ZNF709: variants seen among roughly 807,000 people sequenced by gnomAD.
ZNF709 encodes zinc finger protein 709.
Under a neutral mutation model 10.6 loss-of-function variants are expected in ZNF709, and 15 were observed. The observed-to-expected ratio is 1.41, with a 90% CI of 0.95 to 2.18. The LOEUF (loss-of-function observed/expected upper bound fraction) is 2.18, where lower values mean the gene tolerates loss of function less well. Among genes scored for constraint, ZNF709 ranks in the 30% most tolerant of loss-of-function variants. ZNF709 has a pLI of 0.00. For synonymous variants in ZNF709, 194 were observed against 238.8 expected, an observed-to-expected ratio of 0.81 and a Z score of 1.73; for missense variants, 589 against 774.0, an observed-to-expected ratio of 0.76 and a Z score of 2.84.
rs1970540901 is a variant in ZNF709 at position 12,464,064 on chromosome 19, G to A, written c.1858C>T (p.Gln620Ter). 1 of 1,545,362 alleles carries A rather than the reference G, an allele frequency of 6.5e-7. No individual in the cohort carries two copies. Among genetic ancestry groups the A allele is most frequent in the African/African-American group, 1.4e-5 (1 of 72,568 alleles). ...HTGEKPYACQ[Q>*]CGKAFKCSRS... is the part of the protein sequence containing the mutation. The stretch of plus-strand genomic sequence containing the variant: ...GAACACTTGAAGGCTTTACCACATT[G>A]TTGACATGCATAGGGTTTCTCTCCA... Residue 620 changes from glutamine (Q) to a stop codon, truncating the protein, a stop_gained, in exon 4 of 4, where the codon CAA becomes TAA. Transcript: ENST00000397732. LOFTEE classifies it low-confidence loss of function (END_TRUNC).
At chr19:12,482,307 TG>T (rs1970736331) in intron 1 of ZNF709, among the ~76,000 whole-genome samples, 1 of 151,948 alleles carries the variant, frequency 6.6e-6, no homozygotes, top group Admixed American at 6.6e-5. Context: ...TACACAAGCT[TG>T]GGGCCCACAT....
At chr19:12,467,571 G>C (rs1970586159) in intron 1 of ZNF709, among the ~76,000 whole-genome samples, 1 of 152,158 alleles carries the variant, frequency 6.6e-6, no homozygotes, top group Admixed American at 6.6e-5. Context: ...ACCCCGTCTG[G>C]GAAGTGAGGA....
Position 12,466,744 on chromosome 19 carries a change from A to C in ZNF709, c.110T>G (p.Phe37Cys), listed in dbSNP as rs1198994008. 1 of 1,613,976 alleles carries C rather than the reference A, an allele frequency of 6.2e-7. No homozygotes were observed. The highest frequency in any genetic ancestry group is 1.1e-5 in the South Asian group (1 of 91,066). The change falls in exon 2 of 4, where the codon TTT becomes TGT. Residue 37 changes from phenylalanine (F) to cysteine (C), a missense_variant. Physicochemically the swap from Phe to Cys is radical, Grantham distance 205 (BLOSUM62 -2). Coordinates refer to ENST00000397732, the MANE Select transcript of ZNF709 (RefSeq NM_152601.4). ...KLYRDVMQET[F>C]VNLASIGENW... ...CTTACCTATAGAGGCCAAGTTAACA[A>C]AGGTTTCTTGCATCACATCTCTGTA... is the stretch of plus-strand genomic sequence containing the variant.
chr19:12,467,969 G>T (rs1255698526), intron 1 of ZNF709, among the ~76,000 whole-genome samples: 5 of 151,694 alleles, frequency 3.3e-5, no homozygotes, highest in South Asian at 2.1e-4. Flanking sequence ...GCCCCGTCCG[G>T]GAGGGAGGTG....
rs530234672 is a variant in ZNF709, at chr19:12,463,250, T to C, written c.*746A>G. 1 of 152,350 alleles carries C rather than the reference T, an allele frequency of 6.6e-6. No individual in the cohort carries two copies. The highest frequency in any genetic ancestry group is 6.5e-5 in the Admixed American group (1 of 15,304). The allele number at this position is 152,350 out of a possible 1,614,324, so 9.4% of individuals were successfully genotyped here. A position where few individuals can be genotyped will look rare whatever the true frequency, so the allele number is the denominator to read the frequency against. ...TCCAGTCTGCATTCTCACATATTAG[T>C]ATGTGGGCCAACTGAAGGCTTTCTC... On this transcript the variant is annotated 3_prime_UTR_variant, in exon 4 of 4. Coordinates refer to ENST00000397732, the MANE Select transcript of ZNF709 (RefSeq NM_152601.4).
intron 1 of ZNF709, among the ~76,000 whole-genome samples, chr19:12,480,677 C>T (rs542970569): frequency 5.5e-5 from 7 of 128,112 alleles, no homozygotes; most frequent in South Asian, 4.6e-4. Flanking sequence ...AGCAAGACTC[C>T]GTCTCAAAAA....
chr19:12,478,215 G>C (rs1163574155), intron 1 of ZNF709, among the ~76,000 whole-genome samples: 1 of 152,104 alleles, frequency 6.6e-6, no homozygotes, highest in Non-Finnish European at 1.5e-5. Context: ...TTTCCCATGA[G>C]CACCTTGTAT....
intron 1 of ZNF709, among the ~76,000 whole-genome samples, chr19:12,475,821 C>A (rs1970672717): frequency 6.6e-6 from 1 of 152,206 alleles, no homozygotes; most frequent in African/African-American, 2.4e-5. Flanking sequence ...AAAGAATCCA[C>A]AACAAACTCC....
Position 12,463,926 on chromosome 19 carries a change from CAAAAAAAAAAAAA to C in ZNF709, c.*57_*69del. ...AGGGCAACAGAGTGAGAATTCAACT[CAAAAAAAAAAAAA>C]AAAAAAAAGGAAATAGGACAACTGA... On this transcript the variant is annotated 3_prime_UTR_variant, in exon 4 of 4. Coordinates refer to ENST00000397732, the MANE Select transcript of ZNF709 (RefSeq NM_152601.4). 4.4e-6 allele frequency: 4 copies of C among 914,298 alleles called. No homozygotes were observed. The highest frequency in any genetic ancestry group is 5.7e-6 in the Non-Finnish European group (4 of 699,002). 56.6% of individuals were successfully genotyped at this position (914,298 alleles called of 1,614,324 possible).
chr19:12,483,160 G>A (rs148889166), intron 1 of ZNF709, among the ~76,000 whole-genome samples: 321 of 152,160 alleles, frequency 2.1e-3, no homozygotes, highest in African/African-American at 7.3e-3. Flanking sequence ...TTCTGTTTTT[G>A]AGACAAGGTG....
chr19:12,475,380 A>T (rs1456121512), intron 1 of ZNF709, among the ~76,000 whole-genome samples: 1 of 152,086 alleles, frequency 6.6e-6, no homozygotes, highest in African/African-American at 2.4e-5. Context: ...ATTAAACAAA[A>T]CCAAAGGTGT....
In ZNF709 at chr19:12,462,062, A is replaced by G. The variant is rs1340237845; in HGVS notation, c.*1934T>C. On this transcript the variant is annotated 3_prime_UTR_variant, in exon 4 of 4. Transcript: ENST00000397732. The stretch of plus-strand genomic sequence containing the variant: ...ACTCCAGCCTGGGCGACAGAGCAAG[A>G]CTCCATCTCGGAAAAAGAAAGTAAA... The G allele has an allele frequency of 2.0e-5, 3 of 152,146 alleles. No homozygotes were observed. Among genetic ancestry groups the G allele is most frequent in the African/African-American group, 7.3e-5 (3 of 41,376 alleles). The allele number at this position is 152,146 out of a possible 1,614,324, so 9.4% of individuals were successfully genotyped here.
At chr19:12,477,002 A>G (rs868547093) in intron 1 of ZNF709, among the ~76,000 whole-genome samples, 1 of 152,222 alleles carries the variant, frequency 6.6e-6, no homozygotes, top group Non-Finnish European at 1.5e-5. Context: ...TGCAACAGCA[A>G]GGCTGTTGAG....
rs1305665047 is a variant in ZNF709 at position 12,464,771 on chromosome 19, C to T, written c.1151G>A (p.Arg384Gln). The T allele has an allele frequency of 3.1e-6, 5 of 1,613,464 alleles. No homozygotes were observed. The highest frequency in any genetic ancestry group is 2.7e-5 in the African/African-American group (2 of 74,920). Residue 384 changes from arginine to glutamine, a missense_variant, in exon 4 of 4, where the codon CGA (arginine) becomes CAA (glutamine). Arg to Gln is a conservative substitution (Grantham distance 43). Around this residue, in one of 2 missense-constraint regions of ZNF709, gnomAD observed 418 missense variants for 496.3 expected, o/e 0.84. Transcript: ENST00000397732. ...ATAGGGTTTCTCTCCAGTGTGAGTT[C>T]GTTCATGGATTTGAAAAGAACTAGG... The part of the protein sequence containing the change: ...DCPSSFQIHE[R>Q]THTGEKPYEC...
At chr19:12,467,164 T>A (rs1320861161) in intron 1 of ZNF709, among the ~76,000 whole-genome samples, 1 of 152,196 alleles carries the variant, frequency 6.6e-6, no homozygotes, top group East Asian at 1.9e-4. Flanking sequence ...TCCCTCTCTT[T>A]CCACGGTCTC....
intron 1 of ZNF709, among the ~76,000 whole-genome samples, chr19:12,483,307 ATT>A (rs35777030): frequency 8.2e-4 from 78 of 95,222 alleles, no homozygotes; most frequent in African/African-American, 2.7e-3. Context: ...CGCCCAGCTA[ATT>A]TTTTTTTTTT....
At chr19:12,468,537 C>A (rs1970604621) in intron 1 of ZNF709, among the ~76,000 whole-genome samples, 2 of 151,340 alleles carry the variant, frequency 1.3e-5, no homozygotes, top group South Asian at 4.2e-4. Context: ...ATCTCAAGTA[C>A]CCAGGGACAC....
In ZNF709 at chr19:12,462,625, A is replaced by G. The variant is rs1203333213; in HGVS notation, c.*1371T>C. ...TAGCATAAAAAATAGAAAAAAGGGT[A>G]CTCTGTCTTCCTCTAAAAAAGCCTC... On this transcript the variant is annotated 3_prime_UTR_variant, in exon 4 of 4. Transcript: ENST00000397732. 6.6e-6 allele frequency: 1 copy of G among 152,086 alleles called. No individual in the cohort carries two copies. Among genetic ancestry groups the G allele is most frequent in the Non-Finnish European group, 1.5e-5 (1 of 68,024 alleles). The allele number at this position is 152,086 out of a possible 1,614,324, so 9.4% of individuals were successfully genotyped here.
At chr19:12,471,653 C>A (rs980682297) in intron 1 of ZNF709, among the ~76,000 whole-genome samples, 10 of 151,974 alleles carry the variant, frequency 6.6e-5, no homozygotes, top group African/African-American at 2.4e-4. Flanking sequence ...AATGGACTGG[C>A]ATTTATAAGG....
Sources: allele counts gnomAD v4.1 joint callset (sites outside exome capture counted in the v4.1 genomes callset), GRCh38; gene constraint gnomAD v4.1.1; regional missense constraint gnomAD v4.1.1; transcripts MANE v1.5; gene names NCBI Gene and HGNC (gene_info 2026-07-23, HGNC 2026-07-21).